ALMS1: variants seen among roughly 807,000 people sequenced by gnomAD.
ALMS1 encodes the protein centrosome-associated protein ALMS1.
In ALMS1, 271 loss-of-function variants were observed where a neutral mutation model predicts 352.2. That is an observed-to-expected ratio of 0.77 (90% confidence interval 0.70 to 0.85). ALMS1 has a LOEUF of 0.85. ALMS1 is among the 40% of genes least tolerant of loss of function. The pLI, the probability that ALMS1 is intolerant of heterozygous loss-of-function variation, is 0.00. For missense variants in ALMS1, 5,445 were observed against 4,870.7 expected (o/e 1.12, Z -3.51); for synonymous variants, 1,865 against 1,761.2 (o/e 1.06, Z -1.48).
At chr2:73,596,418 A>C (rs1196023822) in intron 16 of ALMS1, among the ~76,000 whole-genome samples, 2 of 149,574 alleles carry the variant, frequency 1.3e-5, no homozygotes. Context: ...TTGATCACAT[A>C]TGTAAGGCTT....
intron 2 of ALMS1, among the ~76,000 whole-genome samples, chr2:73,410,731 T>C (rs1671058545): frequency 6.6e-6 from 1 of 152,178 alleles, no homozygotes; most frequent in Admixed American, 6.5e-5. Context: ...AACATAGTTA[T>C]AAACTTTGAA....
chr2:73,445,289 A>G (rs1181043811), intron 7 of ALMS1, among the ~76,000 whole-genome samples: 1 of 152,128 alleles, frequency 6.6e-6, no homozygotes, highest in Non-Finnish European at 1.5e-5. Flanking sequence ...TGCGTTATAA[A>G]TAATTGTTGA....
At chr2:73,606,905 A>G (rs1675828833) in intron 21 of ALMS1, among the ~76,000 whole-genome samples, 1 of 152,214 alleles carries the variant, frequency 6.6e-6, no homozygotes, top group Non-Finnish European at 1.5e-5. Context: ...AGAGGAAAGA[A>G]CATAGCTCTT....
rs753007112 is a variant in ALMS1, at chr2:73,500,269, G to T, written c.9539+8771G>T. Among the ~76,000 whole-genome samples, 43 of 152,302 alleles carry T rather than the reference G, an allele frequency of 2.8e-4. 1 individual carries two copies. Among genetic ancestry groups the T allele is most frequent in the Admixed American group, 1.8e-3 (27 of 15,294 alleles). ...AATTCCAGCCAGCCTTCTGTAGGTT[G>T]TTGTTCCAAGTCCATTCAGTTTTCA... On this transcript the variant is annotated intron_variant, in intron 10 of 22. Coordinates refer to ENST00000613296, the MANE Select transcript of ALMS1 (RefSeq NM_001378454.1).
At chr2:73,530,935 G>A (rs1316408836) in intron 11 of ALMS1, among the ~76,000 whole-genome samples, 1 of 152,228 alleles carries the variant, frequency 6.6e-6, no homozygotes, top group Non-Finnish European at 1.5e-5. Flanking sequence ...CAAGTCCCAA[G>A]GCTGTACAGA....
chr2:73,438,393 A>G (rs1473126386), intron 7 of ALMS1, among the ~76,000 whole-genome samples: 1 of 152,244 alleles, frequency 6.6e-6, no homozygotes, highest in East Asian at 1.9e-4. Flanking sequence ...AGACACACTT[A>G]ACATAATTTG....
At position 73,448,378 on chromosome 2, in the gene ALMS1, A is replaced by C. The variant is rs1671850034; in HGVS notation, c.1851A>C (p.Leu617=). 1.2e-6 allele frequency: 2 copies of C among 1,613,958 alleles called. No individual in the cohort carries two copies. The change falls in exon 8 of 23, where the codon CTA becomes CTC. Residue 617 remains leucine, a synonymous_variant. Transcript: ENST00000613296. ...ACCAGACAACTGGCATGTCAACTCT[A>C]ACCTCTACTTCCTACTCACATAGAG... The part of the protein sequence containing the change: ...LADQTTGMST[L]TSTSYSHREK...
At chr2:73,482,881 AT>A (rs1396943895) in intron 9 of ALMS1, among the ~76,000 whole-genome samples, 1 of 152,032 alleles carries the variant, frequency 6.6e-6, no homozygotes, top group East Asian at 1.9e-4. Flanking sequence ...TGTTTGTAGT[AT>A]TCTCTGATGG....
chr2:73,449,249 T>C lies in ALMS1; in HGVS notation c.2722T>C (p.Tyr908His). The C allele has an allele frequency of 6.2e-7, 1 of 1,614,090 alleles. No individual in the cohort carries two copies. Among genetic ancestry groups the C allele is most frequent in the Non-Finnish European group, 8.5e-7 (1 of 1,179,976 alleles). ...TGIPSAPSSF[Y>H]SHREKPIIFS... Reference sequence around the variant, plus strand: ...GATACCCTCAGCACCATCTAGTTTCTACTCACACAGAGAGAAGCCCATTAT... The same window carrying C: ...GATACCCTCAGCACCATCTAGTTTCCACTCACACAGAGAGAAGCCCATTAT... Residue 908 changes from tyrosine (Y) to histidine (H), a missense_variant, in exon 8 of 23, where the codon TAC (tyrosine) becomes CAC (histidine). Transcript: ENST00000613296.
chr2:73,385,963 C>T lies in ALMS1; in HGVS notation c.95C>T (p.Ala32Val). 1 of 1,466,942 alleles carries T rather than the reference C, an allele frequency of 6.8e-7. No homozygotes were observed. The highest frequency in any genetic ancestry group is 9.3e-7 in the Non-Finnish European group (1 of 1,072,648). The allele number at this position is 1,466,942 out of a possible 1,614,324, so 90.9% of individuals were successfully genotyped here. A position where few individuals can be genotyped will look rare whatever the true frequency, so the allele number is the denominator to read the frequency against. The part of the protein sequence containing the change: ...EEEEEEEAAA[A>V]AAANVDDVVV... ...GAGGAAGAGGAGGAGGCTGCAGCGGCGGCGGCGGCGAACGTGGACGACGTA... is the reference window on the plus strand; with the variant it reads ...GAGGAAGAGGAGGAGGCTGCAGCGGTGGCGGCGGCGAACGTGGACGACGTA... The change falls in exon 1 of 23, where the codon GCG becomes GTG. Residue 32 changes from alanine to valine, a missense_variant. Physicochemically the swap from Ala to Val is moderately conservative, Grantham distance 64. Coordinates refer to ENST00000613296, the MANE Select transcript of ALMS1 (RefSeq NM_001378454.1).
Position 73,448,679 on chromosome 2 carries a change from C to T in ALMS1, c.2152C>T (p.His718Tyr), listed in dbSNP as rs199572177. 4.3e-5 allele frequency: 70 copies of T among 1,613,718 alleles called. No individual in the cohort carries two copies. In the Middle Eastern group the frequency reaches 4.9e-4, roughly 11 times the overall value. Residue 718 changes from histidine (H) to tyrosine (Y), a missense_variant, in exon 8 of 23, where the codon CAT becomes TAT. His to Tyr is a moderately conservative substitution (Grantham distance 83, BLOSUM62 2). Coordinates refer to ENST00000613296, the MANE Select transcript of ALMS1 (RefSeq NM_001378454.1). ...TATVLSTPHSHREKPGIFYQQ... is the reference protein window; with the variant it reads ...TATVLSTPHSYREKPGIFYQQ... ...AACAGTACTCTCTACTCCCCACTCA[C>T]ATAGAGAGAAGCCTGGTATTTTTTA... is the stretch of plus-strand genomic sequence containing the variant.
chr2:73,510,177 C>T (rs571902409), intron 10 of ALMS1, among the ~76,000 whole-genome samples: 26 of 152,254 alleles, frequency 1.7e-4, no homozygotes, highest in African/African-American at 6.0e-4. Flanking sequence ...TCCTTTAGCT[C>T]GGAGAAGTTT....
At chr2:73,544,737 C>G (rs1273485446) in intron 12 of ALMS1, among the ~76,000 whole-genome samples, 3 of 152,114 alleles carry the variant, frequency 2.0e-5, no homozygotes, top group East Asian at 1.9e-4. Context: ...GTAGGATCTT[C>G]AAGAGCTATT....
chr2:73,556,854 C>T (rs1674555918), intron 13 of ALMS1, among the ~76,000 whole-genome samples: 1 of 151,976 alleles, frequency 6.6e-6, no homozygotes, highest in Non-Finnish European at 1.5e-5. Flanking sequence ...AGGCGTGCAC[C>T]ACGACGCCTG....
Position 73,491,021 on chromosome 2 carries a change from C to T in ALMS1, c.9062C>T (p.Ser3021Phe). ...GAAGCCAAGTTCAATACTGTGGTCT[C>T]CCAGTCAGCCCCAAATCACTGTACA... ...NVEAKFNTVVSQSAPNHCTLA... is the reference protein window; with the variant it reads ...NVEAKFNTVVFQSAPNHCTLA... Residue 3021 changes from serine to phenylalanine, a missense_variant, in exon 10 of 23, where the codon TCC becomes TTC. Transcript: ENST00000613296. The T allele has an allele frequency of 6.2e-7, 1 of 1,614,226 alleles. No individual in the cohort carries two copies.
At chr2:73,589,537 A>G (rs570729018) in intron 16 of ALMS1, among the ~76,000 whole-genome samples, 2 of 152,206 alleles carry the variant, frequency 1.3e-5, no homozygotes, top group Non-Finnish European at 2.9e-5. Context: ...AATATCTTTC[A>G]GGTTACATGA....
chr2:73,418,452 G>A (rs1278522396), intron 2 of ALMS1, among the ~76,000 whole-genome samples: 2 of 152,156 alleles, frequency 1.3e-5, no homozygotes, highest in African/African-American at 2.4e-5. Flanking sequence ...CAGCCCTTGC[G>A]TGCACCAAGT....
intron 1 of ALMS1, among the ~76,000 whole-genome samples, chr2:73,407,696 T>G (rs1218621073): frequency 6.6e-6 from 1 of 152,146 alleles, no homozygotes; most frequent in Non-Finnish European, 1.5e-5. Flanking sequence ...TTTTCCCTTT[T>G]ACAGGTGCAT....
chr2:73,424,408 ATTTT>A lies in ALMS1; in HGVS notation c.765-20_765-17del. 7.1e-7 allele frequency: 1 copy of A among 1,412,954 alleles called. No homozygotes were observed. The allele number at this position is 1,412,954 out of a possible 1,614,324, so 87.5% of individuals were successfully genotyped here. A position where few individuals can be genotyped will look rare whatever the true frequency, so the allele number is the denominator to read the frequency against. ...TGTTTTTAATGTTATTTATTTATTT[ATTTT>A]TAACTATATATTTTCAGGGGAATTC... On this transcript the variant is annotated intron_variant, in intron 4 of 22. Transcript: ENST00000613296.
Sources: gnomAD v4.1 joint callset for allele counts (sites outside exome capture counted in the v4.1 genomes callset) on GRCh38, gnomAD v4.1.1 for gene constraint, MANE v1.5 for transcripts, NCBI Gene and HGNC (gene_info 2026-07-23, HGNC 2026-07-21) for gene names.